ZFR: variants seen among roughly 807,000 people sequenced by gnomAD.
ZFR encodes the protein zinc finger RNA-binding protein.
ZFR carries 19 observed loss-of-function variants against 130.7 expected under a neutral mutation model. The observed-to-expected ratio is 0.15, with a 90% CI of 0.10 to 0.21. The LOEUF is 0.21. ZFR is among the 10% of genes least tolerant of loss of function. The pLI, the probability that ZFR is intolerant of heterozygous loss-of-function variation, is 1.00. For missense variants in ZFR, 872 were observed against 1,321.5 expected, an observed-to-expected ratio of 0.66 and a Z score of 5.27; for synonymous variants, 466 against 456.9, an observed-to-expected ratio of 1.02 and a Z score of -0.25.
chr5:32,370,310 GGAGAGAGAGAGAGAGA>G (rs769362722), intron 17 of ZFR, among the ~76,000 whole-genome samples: 26 of 69,844 alleles, frequency 3.7e-4, no homozygotes, highest in East Asian at 1.3e-3. Context: ...TGTTGTGGGG[GGAGAGAGAGAGAGAGA>G]GAGAGAGAGA....
At chr5:32,427,996 T>A (rs1423766711) in intron 2 of ZFR, among the ~76,000 whole-genome samples, 1 of 152,160 alleles carries the variant, frequency 6.6e-6, no homozygotes, top group African/African-American at 2.4e-5. Flanking sequence ...ATGTAACAGC[T>A]AAAACTATAC....
chr5:32,430,063 G>C (rs980376764), intron 2 of ZFR, among the ~76,000 whole-genome samples: 2 of 120,602 alleles, frequency 1.7e-5, no homozygotes, highest in Non-Finnish European at 3.2e-5. Flanking sequence ...CTGGGTGACA[G>C]AGTGAGACCC....
rs771040138 is a variant in ZFR at position 32,385,639 on chromosome 5, G to A, written c.2510C>T (p.Pro837Leu). 6.2e-7 allele frequency: 1 copy of A among 1,612,962 alleles called. No individual in the cohort carries two copies. The highest frequency in any genetic ancestry group is 1.7e-5 in the Admixed American group (1 of 59,994). Residue 837 changes from proline (P) to leucine (L), a missense_variant, in exon 15 of 20, where the codon CCT (proline) becomes CTT (leucine). Around this residue, in one of 7 missense-constraint regions of ZFR, gnomAD observed 225 missense variants for 282.4 expected, o/e 0.80. Transcript: ENST00000265069. Reference protein sequence around the residue: ...NLPKQLAVISPEKYDIKCAVS... With the variant: ...NLPKQLAVISLEKYDIKCAVS... Reference sequence around the variant, plus strand: ...AGCACATTTTATGTCATACTTCTCAGGGCTTATAACCTGTGTAATGAAGAT... The same window carrying A: ...AGCACATTTTATGTCATACTTCTCAAGGCTTATAACCTGTGTAATGAAGAT...
intron 15 of ZFR, 75 bp from the exon 16 acceptor site, chr5:32,380,247 T>G: frequency 8.4e-6 from 9 of 1,071,178 alleles, no homozygotes; most frequent in South Asian, 1.3e-5. Flanking sequence ...TTCCTTAAGG[T>G]AGCATCAGTG....
intron 2 of ZFR, among the ~76,000 whole-genome samples, chr5:32,423,888 G>T (rs1213451377): frequency 2.0e-5 from 3 of 152,158 alleles, no homozygotes; most frequent in Non-Finnish European, 4.4e-5. Flanking sequence ...CAAAATTCAA[G>T]GGAAAATGAT....
intron 2 of ZFR, among the ~76,000 whole-genome samples, chr5:32,424,450 G>A (rs539561669): frequency 1.3e-5 from 2 of 151,426 alleles, no homozygotes; most frequent in South Asian, 4.2e-4. Context: ...AGAATGGCGT[G>A]AGCCCAGAAG....
chr5:32,438,956 C>T (rs1422922518), intron 2 of ZFR, among the ~76,000 whole-genome samples: 1 of 152,124 alleles, frequency 6.6e-6, no homozygotes, highest in Admixed American at 6.5e-5. Context: ...AGGGATGGAG[C>T]TGGGATTCAA....
Position 32,414,978 on chromosome 5 carries a change from T to C in ZFR, c.775A>G (p.Thr259Ala). 1 of 1,613,270 alleles carries C rather than the reference T, an allele frequency of 6.2e-7. No homozygotes were observed. Among genetic ancestry groups the C allele is most frequent in the Non-Finnish European group, 8.5e-7 (1 of 1,179,516 alleles). The stretch of plus-strand genomic sequence containing the variant: ...AGTTTATCAGTCTTACCAGAATATG[T>C]AACTGCTGTGGTACTGTAAGTAGCA... ...QSATYSTTAV[T>A]YSGTSYSGYE... Residue 259 changes from threonine to alanine, a missense_variant, in exon 5 of 20, where the codon ACA (threonine) becomes GCA (alanine). Transcript: ENST00000265069.
At chr5:32,367,342 G>A (rs2111670754) in intron 17 of ZFR, among the ~76,000 whole-genome samples, 1 of 151,962 alleles carries the variant, frequency 6.6e-6, no homozygotes, top group East Asian at 1.9e-4. Flanking sequence ...GGCTGAGGCA[G>A]GAGAATCACT....
At position 32,415,184 on chromosome 5, in the gene ZFR, G is replaced by A; in HGVS notation, c.569C>T (p.Pro190Leu). The change falls in exon 5 of 20, where the codon CCC becomes CTC. Residue 190 changes from proline (P) to leucine (L), a missense_variant. This residue lies in a region of ZFR where 240 missense variants were observed against 441.2 expected (regional missense o/e 0.54). Transcript: ENST00000265069. ...TGCACCTTGGCTGTAACCTGCTTTG[G>A]GGGCTGAAGTAGGAAAGAGACATCA... is the stretch of plus-strand genomic sequence containing the variant. ...SVAETYYQTA[P>L]KAGYSQGATQ... 6.2e-7 allele frequency: 1 copy of A among 1,613,854 alleles called. No homozygotes were observed. Among genetic ancestry groups the A allele is most frequent in the Non-Finnish European group, 8.5e-7 (1 of 1,179,928 alleles).
intron 17 of ZFR, among the ~76,000 whole-genome samples, chr5:32,366,879 T>A (rs1206709083): frequency 7.0e-6 from 1 of 142,834 alleles, no homozygotes; most frequent in Admixed American, 7.4e-5. Flanking sequence ...AAAGATTTTT[T>A]AATTTTTTTT....
intron 9 of ZFR, 104 bp downstream of exon 9, chr5:32,399,903 C>A: frequency 9.4e-7 from 1 of 1,067,448 alleles, no homozygotes; most frequent in Non-Finnish European, 1.3e-6. Flanking sequence ...TAAGCTAAAT[C>A]TAAAATACAA....
At chr5:32,398,828 T>C (rs1753376821) in intron 9 of ZFR, among the ~76,000 whole-genome samples, 1 of 151,872 alleles carries the variant, frequency 6.6e-6, no homozygotes, top group African/African-American at 2.4e-5. Context: ...GGATTACAAG[T>C]GTGCGCAACT....
chr5:32,425,306 C>T (rs1440231870), intron 2 of ZFR, among the ~76,000 whole-genome samples: 1 of 152,204 alleles, frequency 6.6e-6, no homozygotes, highest in African/African-American at 2.4e-5. Flanking sequence ...GAGGTCCACA[C>T]AAGGTTGTTC....
At chr5:32,421,788 T>C (rs1032724994) in intron 2 of ZFR, among the ~76,000 whole-genome samples, 2 of 152,144 alleles carry the variant, frequency 1.3e-5, no homozygotes, top group Admixed American at 6.5e-5. Flanking sequence ...GGATGAGGTT[T>C]CCATATTTTG....
At chr5:32,399,569 T>C (rs893683819) in intron 9 of ZFR, among the ~76,000 whole-genome samples, 1 of 152,226 alleles carries the variant, frequency 6.6e-6, no homozygotes, top group South Asian at 2.1e-4. Context: ...GCAACAGTCT[T>C]CTACTCCACT....
At chr5:32,416,094 T>C (rs922634183) in intron 4 of ZFR, among the ~76,000 whole-genome samples, 9 of 152,214 alleles carry the variant, frequency 5.9e-5, no homozygotes, top group Admixed American at 3.9e-4. Context: ...GCCACTCAAG[T>C]AGAACTTATC....
intron 2 of ZFR, among the ~76,000 whole-genome samples, chr5:32,428,632 A>G (rs1331283196): frequency 1.3e-5 from 2 of 152,190 alleles, no homozygotes; most frequent in African/African-American, 4.8e-5. Flanking sequence ...TCCTACAAAT[A>G]CCTTTTATGA....
intron 19 of ZFR, among the ~76,000 whole-genome samples, chr5:32,358,899 TTTTATTAAAA>T (rs1290244881): frequency 6.6e-6 from 1 of 152,118 alleles, no homozygotes; most frequent in Non-Finnish European, 1.5e-5. Flanking sequence ...TTCATTTTTC[TTTTATTAAAA>T]TTTATTAAAA....
Sources: allele counts gnomAD v4.1 joint callset (sites outside exome capture counted in the v4.1 genomes callset), GRCh38; gene constraint gnomAD v4.1.1; regional missense constraint gnomAD v4.1.1; transcripts MANE v1.5; gene names NCBI Gene and HGNC (gene_info 2026-07-23, HGNC 2026-07-21).